NKAIN3: variants seen among roughly 807,000 people sequenced by gnomAD.
The protein encoded by NKAIN3 is sodium/potassium transporting ATPase interacting 3.
Under a neutral mutation model 30.2 loss-of-function variants are expected in NKAIN3, and 25 were observed. The observed-to-expected ratio is 0.83, with a 90% confidence interval of 0.60 to 1.16. The LOEUF (loss-of-function observed/expected upper bound fraction) is 1.16, where lower values mean the gene tolerates loss of function less well. NKAIN3 is among the 50% of genes most tolerant of loss of function. NKAIN3 has a pLI of 0.00. For synonymous variants in NKAIN3, 91 were observed against 89.6 expected (o/e 1.02, Z -0.09); for missense variants, 225 against 254.1 (o/e 0.89, Z 0.78).
chr8:62,748,332 C>T (rs1368147986), intron 4 of NKAIN3, among the ~76,000 whole-genome samples: 3 of 151,940 alleles, frequency 2.0e-5, no homozygotes, highest in Admixed American at 6.6e-5. Context: ...ATGCACATGG[C>T]TTCTCTTTCT....
intron 1 of NKAIN3, among the ~76,000 whole-genome samples, chr8:62,401,013 T>TCTCTCTCTCTCTCTCTC (rs1803847170): frequency 2.1e-5 from 3 of 143,742 alleles, no homozygotes; most frequent in South Asian, 2.3e-4. Flanking sequence ...CTTTCTACCT[T>TCTCTCTCTCTCTCTCTC]TCTCTCACTC....
At chr8:62,766,923 G>A (rs561011526) in intron 4 of NKAIN3, among the ~76,000 whole-genome samples, 14 of 81,592 alleles carry the variant, frequency 1.7e-4, no homozygotes, top group Admixed American at 7.2e-4. Flanking sequence ...CCCCGACCCC[G>A]GCGAGCATCA....
rs1381365540 is a variant in NKAIN3, at chr8:62,445,570, G to C, written c.55-133969G>C. ...ACTTCTTATATTATACAGTTATACA[G>C]AAGTGAGAAGGTGAAATACAAGTTG... is the stretch of plus-strand genomic sequence containing the variant. On this transcript the variant is annotated intron_variant, in intron 1 of 6. Coordinates refer to ENST00000623646, the MANE Select transcript of NKAIN3 (RefSeq NM_001304533.3). 2.0e-5 allele frequency among the ~76,000 whole-genome samples: 3 copies of C among 152,098 alleles called. No individual in the cohort carries two copies. The East Asian group carries it at 5.8e-4, about 29-fold the overall frequency.
At chr8:62,998,273 T>TCTCTC (rs1468436021) in intron 5 of NKAIN3, among the ~76,000 whole-genome samples, 4 of 149,820 alleles carry the variant, frequency 2.7e-5, no homozygotes, top group Middle Eastern at 3.5e-3. Context: ...TCTCTCTCTC[T>TCTCTC]TTTTTTTTCC....
At chr8:62,821,757 C>T (rs1330897825) in intron 4 of NKAIN3, among the ~76,000 whole-genome samples, 2 of 152,058 alleles carry the variant, frequency 1.3e-5, no homozygotes, top group African/African-American at 4.8e-5. Context: ...GTACCCTTCT[C>T]TTTTGGAGGA....
At chr8:62,378,069 C>T (rs1817150959) in intron 1 of NKAIN3, among the ~76,000 whole-genome samples, 1 of 152,094 alleles carries the variant, frequency 6.6e-6, no homozygotes, top group Non-Finnish European at 1.5e-5. Flanking sequence ...TGTTGAATTG[C>T]TTTGACCAAA....
At chr8:62,699,615 G>T (rs7000475) in intron 3 of NKAIN3, among the ~76,000 whole-genome samples, 83,014 of 152,044 alleles carry the variant, frequency 0.55, 26,428 homozygotes, top group Non-Finnish European at 0.73. Flanking sequence ...ATCTTCAAAA[G>T]CCTTTCCATG....
At chr8:62,788,586 G>A (rs1170512295) in intron 4 of NKAIN3, among the ~76,000 whole-genome samples, 11 of 152,126 alleles carry the variant, frequency 7.2e-5, no homozygotes, top group Non-Finnish European at 1.0e-4. Context: ...TGCTTTTGGT[G>A]TTTTAGACAT....
chr8:62,463,682 C>G lies in NKAIN3; in HGVS notation c.55-115857C>G, dbSNP rs543595350. ...TGTATATATCGTAGTCTTCTCTCAT[C>G]CATGGGAAATATGTTCTAAAATCCC... is the stretch of plus-strand genomic sequence containing the variant. On this transcript the variant is annotated intron_variant, in intron 1 of 6. Coordinates refer to ENST00000623646, the MANE Select transcript of NKAIN3 (RefSeq NM_001304533.3). Among the ~76,000 whole-genome samples the G allele has an allele frequency of 2.0e-5, 3 of 152,214 alleles. No individual in the cohort carries two copies. The East Asian group carries it at 5.8e-4, about 29-fold the overall frequency.
At chr8:62,664,844 T>C (rs1356783458) in intron 3 of NKAIN3, among the ~76,000 whole-genome samples, 3 of 152,192 alleles carry the variant, frequency 2.0e-5, no homozygotes, top group African/African-American at 7.2e-5. Context: ...TGAGAAAGAA[T>C]GCTCTAAATG....
chr8:62,911,632 T>G (rs899903875), intron 4 of NKAIN3, among the ~76,000 whole-genome samples: 5 of 152,036 alleles, frequency 3.3e-5, no homozygotes. Context: ...GCCTGGCTGC[T>G]GCTTGGTCTA....
intron 1 of NKAIN3, among the ~76,000 whole-genome samples, chr8:62,404,772 T>C (rs1298684387): frequency 6.6e-6 from 1 of 152,094 alleles, no homozygotes; most frequent in African/African-American, 2.4e-5. Context: ...CTCTTACCTA[T>C]GCTGTAAGAC....
chr8:62,314,729 G>A (rs191056505), intron 1 of NKAIN3, among the ~76,000 whole-genome samples: 154 of 152,196 alleles, frequency 1.0e-3, no homozygotes, highest in African/African-American at 3.6e-3. Context: ...ATGCCCTTGT[G>A]GTGTTTACGT....
At chr8:62,811,869 C>G (rs1314727255) in intron 4 of NKAIN3, among the ~76,000 whole-genome samples, 1 of 152,058 alleles carries the variant, frequency 6.6e-6, no homozygotes, top group East Asian at 1.9e-4. Flanking sequence ...AGCATTTTTC[C>G]TTCCATGGAT....
intron 1 of NKAIN3, among the ~76,000 whole-genome samples, chr8:62,346,110 G>A (rs1017130088): frequency 3.2e-4 from 48 of 152,098 alleles, no homozygotes; most frequent in Admixed American, 1.8e-3. Flanking sequence ...TAGTAAACAC[G>A]TGAAACGTTA....
intron 1 of NKAIN3, among the ~76,000 whole-genome samples, chr8:62,356,111 G>A (rs1473130912): frequency 6.6e-6 from 1 of 152,146 alleles, no homozygotes; most frequent in Admixed American, 6.6e-5. Flanking sequence ...GAGCTCCAGA[G>A]CATCTCAACT....
intron 1 of NKAIN3, among the ~76,000 whole-genome samples, chr8:62,527,771 C>G (rs1351697303): frequency 6.6e-6 from 1 of 152,026 alleles, no homozygotes; most frequent in Non-Finnish European, 1.5e-5. Context: ...AAAACTGTTT[C>G]AGAAATGTCA....
At chr8:62,944,849 C>A (rs1585606915) in intron 5 of NKAIN3, among the ~76,000 whole-genome samples, 1 of 152,286 alleles carries the variant, frequency 6.6e-6, no homozygotes, top group African/African-American at 2.4e-5. Context: ...CAGTTCATGT[C>A]TTCATGGATG....
At chr8:62,855,982 C>CAAGA in intron 4 of NKAIN3, 2 of 690,766 alleles carry the variant, frequency 2.9e-6, no homozygotes, top group South Asian at 3.2e-5. Flanking sequence ...GTTGAGCTCC[C>CAAGA]AATCACCAGC....
Sources: gnomAD v4.1 joint callset for allele counts (sites outside exome capture counted in the v4.1 genomes callset) on GRCh38, gnomAD v4.1.1 for gene constraint, MANE v1.5 for transcripts, NCBI Gene and HGNC (gene_info 2026-07-23, HGNC 2026-07-21) for gene names.